CTTNBP2: variants seen among roughly 807,000 people sequenced by gnomAD.
The protein encoded by CTTNBP2 is cortactin-binding protein 2.
In CTTNBP2, 108 loss-of-function variants were observed where a neutral mutation model predicts 156.9. That is an observed-to-expected ratio of 0.69 (90% CI 0.59 to 0.81). The LOEUF (loss-of-function observed/expected upper bound fraction) is 0.81. Ranked by LOEUF, CTTNBP2 falls within the 30% of genes least tolerant of loss-of-function variation. CTTNBP2 has a pLI of 0.00. For synonymous variants in CTTNBP2, 767 were observed against 751.8 expected (o/e 1.02, Z -0.33); for missense variants, 1,924 against 2,035.4 (o/e 0.95, Z 1.05).
Position 117,799,106 on chromosome 7 carries a change from G to GA in CTTNBP2, c.415-6326dup, listed in dbSNP as rs549981355. On this transcript the variant is annotated intron_variant, in intron 3 of 22. Coordinates refer to ENST00000160373, the MANE Select transcript of CTTNBP2 (RefSeq NM_033427.3). ...TACTGATGTTCTAGAAAACATTAAA[G>GA]AAAAAAAAAATGATGCCAAACTTAC... Among the ~76,000 whole-genome samples the GA allele has an allele frequency of 3.4e-3, 499 of 145,940 alleles. 2 individuals carry two copies. The highest frequency in any genetic ancestry group is 0.011 in the African/African-American group (446 of 39,996).
rs56687697 is a variant in CTTNBP2 at position 117,757,528 on chromosome 7, T to TAAA, written c.3268+344_3268+346dup. Among the ~76,000 whole-genome samples, 252 of 91,416 alleles carry TAAA rather than the reference T, an allele frequency of 2.8e-3. 3 individuals are homozygous for TAAA. The highest frequency in any genetic ancestry group is 8.5e-3 in the African/African-American group (225 of 26,564). The allele number at this position is 91,416 out of a possible 152,430, so 60.0% of individuals were successfully genotyped here. The stretch of plus-strand genomic sequence containing the variant: ...TCGTATTAAGCATTATTAAGCACAG[T>TAAA]AAAAAAAAAAAAAAAAAAAAAAAGA... On this transcript the variant is annotated intron_variant, in intron 11 of 22. Transcript: ENST00000160373.
At position 117,712,005 on chromosome 7, in the gene CTTNBP2, C is replaced by T. The variant is rs183252762; in HGVS notation, c.4747-223G>A. Among the ~76,000 whole-genome samples the T allele has an allele frequency of 1.2e-4, 18 of 152,252 alleles. 1 individual carries two copies. Among genetic ancestry groups the T allele is most frequent in the Middle Eastern group, 3.4e-3 (1 of 294 alleles). ...TCTGCTGTTACAAAATTCCTAAATA[C>T]AGGAGTCAGTGAATCAAGTGCTAAG... On this transcript the variant is annotated intron_variant, in intron 22 of 22. Transcript: ENST00000160373.
intron 2 of CTTNBP2, among the ~76,000 whole-genome samples, chr7:117,811,454 C>T (rs1170916903): frequency 1.3e-5 from 2 of 152,078 alleles, no homozygotes; most frequent in African/African-American, 4.8e-5. Context: ...GTGCATGCCA[C>T]CACACCCAGC....
chr7:117,811,028 G>C, intron 2 of CTTNBP2, 39 bp from the exon 3 acceptor site: 1 of 1,425,626 alleles, frequency 7.0e-7, no homozygotes, highest in Non-Finnish European at 9.8e-7. Flanking sequence ...AGAAAGAAAT[G>C]AAAATATACA....
intron 7 of CTTNBP2, 22 bp downstream of exon 7, chr7:117,780,419 A>G: frequency 6.8e-7 from 1 of 1,467,870 alleles, no homozygotes; most frequent in Non-Finnish European, 9.0e-7. Flanking sequence ...ATACAGGGGG[A>G]AAAAAACAGA....
intron 8 of CTTNBP2, among the ~76,000 whole-genome samples, chr7:117,767,792 T>C (rs992382125): frequency 5.9e-5 from 9 of 152,252 alleles, no homozygotes; most frequent in Admixed American, 5.9e-4. Context: ...TCTTCTGTGT[T>C]GCTTAAGGAA....
chr7:117,846,099 C>G (rs555584295), intron 2 of CTTNBP2, among the ~76,000 whole-genome samples: 41 of 152,156 alleles, frequency 2.7e-4, no homozygotes, highest in African/African-American at 9.9e-4. Context: ...GATCCGCCCG[C>G]CTCAGCCTCC....
intron 22 of CTTNBP2, chr7:117,714,226 G>A (rs1447091598): frequency 6.6e-6 from 1 of 152,202 alleles, no homozygotes; most frequent in Admixed American, 6.5e-5. Context: ...TGCTTGTCAT[G>A]AGTTGGATGG....
chr7:117,841,924 G>A (rs574181101), intron 2 of CTTNBP2, among the ~76,000 whole-genome samples: 4 of 152,156 alleles, frequency 2.6e-5, no homozygotes, highest in African/African-American at 9.7e-5. Flanking sequence ...AAACAGCAGG[G>A]ATGTTACTAG....
intron 14 of CTTNBP2, among the ~76,000 whole-genome samples, chr7:117,736,847 A>G (rs1795733750): frequency 6.6e-6 from 1 of 152,208 alleles, no homozygotes; most frequent in Non-Finnish European, 1.5e-5. Flanking sequence ...CCACAGTTTT[A>G]GTCAAATTAA....
At chr7:117,859,043 ATATT>A (rs1803525553) in intron 2 of CTTNBP2, among the ~76,000 whole-genome samples, 1 of 152,206 alleles carries the variant, frequency 6.6e-6, no homozygotes, top group South Asian at 2.1e-4. Flanking sequence ...GAGCATTTAT[ATATT>A]GAGTACATCA....
At chr7:117,767,692 A>G (rs1584968832) in intron 8 of CTTNBP2, among the ~76,000 whole-genome samples, 1 of 152,200 alleles carries the variant, frequency 6.6e-6, no homozygotes, top group African/African-American at 2.4e-5. Context: ...ATTTTATTTG[A>G]AAAATATGCA....
chr7:117,811,667 T>G (rs1475395923), intron 2 of CTTNBP2, among the ~76,000 whole-genome samples: 1 of 152,058 alleles, frequency 6.6e-6, no homozygotes, highest in Non-Finnish European at 1.5e-5. Flanking sequence ...AAAAATAAAA[T>G]TATCTCTATA....
chr7:117,746,769 C>T (rs1334882979), intron 12 of CTTNBP2, among the ~76,000 whole-genome samples: 2 of 152,104 alleles, frequency 1.3e-5, no homozygotes, highest in African/African-American at 4.8e-5. Flanking sequence ...TTATTCCATT[C>T]TGGAATTCAG....
chr7:117,868,706 AG>A (rs1804377908), intron 1 of CTTNBP2, among the ~76,000 whole-genome samples: 1 of 152,210 alleles, frequency 6.6e-6, no homozygotes, highest in Non-Finnish European at 1.5e-5. Flanking sequence ...ATGTTACATA[AG>A]CTTTGCAAAG....
At chr7:117,793,821 T>C (rs1254287928) in intron 3 of CTTNBP2, among the ~76,000 whole-genome samples, 3 of 152,218 alleles carry the variant, frequency 2.0e-5, no homozygotes, top group Non-Finnish European at 4.4e-5. Flanking sequence ...TTTCTCCAGA[T>C]GGGGCTTTCT....
At chr7:117,805,046 A>G (rs1799849939) in intron 3 of CTTNBP2, among the ~76,000 whole-genome samples, 1 of 152,138 alleles carries the variant, frequency 6.6e-6, no homozygotes. Flanking sequence ...ATGTCTTTTG[A>G]ATACCTGACC....
chr7:117,724,789 A>G, intron 18 of CTTNBP2, 57 bp from the exon 19 acceptor site: 6 of 1,564,292 alleles, frequency 3.8e-6, no homozygotes, highest in Non-Finnish European at 5.2e-6. Context: ...AAAGCAAAAT[A>G]CATTTCCGTT....
At chr7:117,864,423 G>A (rs1803970950) in intron 1 of CTTNBP2, among the ~76,000 whole-genome samples, 1 of 151,610 alleles carries the variant, frequency 6.6e-6, no homozygotes, top group Admixed American at 6.6e-5. Flanking sequence ...GCCTTCCATA[G>A]TACAAATATA....
Sources: gnomAD v4.1 joint callset for allele counts (sites outside exome capture counted in the v4.1 genomes callset) on GRCh38, gnomAD v4.1.1 for gene constraint, MANE v1.5 for transcripts, NCBI Gene and HGNC (gene_info 2026-07-23, HGNC 2026-07-21) for gene names.